ARHGAP21: variants seen among roughly 807,000 people sequenced by gnomAD.
ARHGAP21 encodes the protein Rho GTPase activating protein 21, also known as rho GTPase-activating protein 21.
ARHGAP21 carries 38 observed loss-of-function variants against 164.6 expected under a neutral mutation model. That is an observed-to-expected ratio of 0.23 (90% CI 0.18 to 0.30). The LOEUF (loss-of-function observed/expected upper bound fraction) is 0.30. Ranked by LOEUF, ARHGAP21 falls within the 10% of genes least tolerant of loss-of-function variation. The probability of loss-of-function intolerance (pLI) is 1.00; values close to 1 mark genes in which losing one functional copy is unlikely to be tolerated. For synonymous variants in ARHGAP21, 766 were observed against 857.9 expected, an observed-to-expected ratio of 0.89 and a Z score of 1.87; for missense variants, 1,822 against 2,370.7, an observed-to-expected ratio of 0.77 and a Z score of 4.81.
At chr10:24,602,164 A>G (rs560676730) in intron 12 of ARHGAP21, 61 bp from the exon 13 acceptor site, 2 of 1,541,756 alleles carry the variant, frequency 1.3e-6, no homozygotes, top group Admixed American at 2.1e-5. Context: ...ATATTTGCAC[A>G]TGGAAACTGC....
chr10:24,621,443 T>C, intron 8 of ARHGAP21, 74 bp from the exon 9 acceptor site: 6 of 1,310,028 alleles, frequency 4.6e-6, no homozygotes, highest in Non-Finnish European at 5.2e-6. Flanking sequence ...TACAGTGCAC[T>C]ATTTTATCTA....
rs141495218 is a variant in ARHGAP21, at chr10:24,667,484, G to A, written c.244-475C>T. Among the ~76,000 whole-genome samples, 237 of 152,276 alleles carry A rather than the reference G, an allele frequency of 1.6e-3. 5 individuals are homozygous for A. In the East Asian group the frequency reaches 0.038, roughly 24 times the overall value. The stretch of plus-strand genomic sequence containing the variant: ...TATATAAATGGATTGGTCCCAAATT[G>A]CTACATATTTAAGTTCTTGTATTCA... On this transcript the variant is annotated intron_variant, in intron 3 of 25. Transcript: ENST00000396432.
chr10:24,628,594 C>T (rs1307743036), intron 7 of ARHGAP21, among the ~76,000 whole-genome samples: 1 of 151,840 alleles, frequency 6.6e-6, no homozygotes, highest in Non-Finnish European at 1.5e-5. Flanking sequence ...AGAAAAAAAC[C>T]CAATTGTTTA....
chr10:24,620,558 C>G lies in ARHGAP21; in HGVS notation c.1337G>C (p.Arg446Pro). 4.3e-6 allele frequency: 7 copies of G among 1,613,972 alleles called. No individual in the cohort carries two copies. The highest frequency in any genetic ancestry group is 5.9e-6 in the Non-Finnish European group (7 of 1,179,970). The change falls in exon 9 of 26, where the codon CGA (arginine) becomes CCA (proline). Residue 446 changes from arginine to proline, a missense_variant. Transcript: ENST00000396432. Reference sequence around the variant, plus strand: ...CCGTATCTGGACAGACTGGGGCACTCGATCATGAGAGGTGCTTCGACGTCG... The same window carrying G: ...CCGTATCTGGACAGACTGGGGCACTGGATCATGAGAGGTGCTTCGACGTCG... Reference protein sequence around the residue: ...QGRRRSTSHDRVPQSVQIRQR... With the variant: ...QGRRRSTSHDPVPQSVQIRQR...
At chr10:24,663,641 G>A (rs1387536503) in intron 4 of ARHGAP21, among the ~76,000 whole-genome samples, 2 of 152,162 alleles carry the variant, frequency 1.3e-5, no homozygotes, top group Non-Finnish European at 2.9e-5. Context: ...CGATTCTCCT[G>A]CTTCAGCCTC....
Position 24,658,647 on chromosome 10 carries a change from G to T in ARHGAP21, c.268+8338C>A, listed in dbSNP as rs368148698. ...GAACAATGAGAACACCTGTACACAG[G>T]GTGGGAAACTTCACACACTGGGGCC... is the stretch of plus-strand genomic sequence containing the variant. On this transcript the variant is annotated intron_variant, in intron 4 of 25. Transcript: ENST00000396432. Among the ~76,000 whole-genome samples, 13 of 152,178 alleles carry T rather than the reference G, an allele frequency of 8.5e-5. No homozygotes were observed. The East Asian group carries it at 1.9e-3, about 23-fold the overall frequency.
At chr10:24,680,709 C>T (rs1186858047) in intron 2 of ARHGAP21, among the ~76,000 whole-genome samples, 1 of 152,126 alleles carries the variant, frequency 6.6e-6, no homozygotes, top group Non-Finnish European at 1.5e-5. Flanking sequence ...CATATGTGCC[C>T]TCTTCACTCC....
In ARHGAP21 at chr10:24,585,529, T is replaced by C; in HGVS notation, c.4760A>G (p.Tyr1587Cys). ...LANVSTITSDYSTTSSATYLT... is the reference protein window; with the variant it reads ...LANVSTITSDCSTTSSATYLT... ...GTATGTAGCAGACGATGTGGTGGAATAATCTGAGGTGATGGTGCTGACGTT... is the reference window on the plus strand; with the variant it reads ...GTATGTAGCAGACGATGTGGTGGAACAATCTGAGGTGATGGTGCTGACGTT... Residue 1587 changes from tyrosine to cysteine, a missense_variant, in exon 26 of 26, where the codon TAT (tyrosine) becomes TGT (cysteine). Coordinates refer to ENST00000396432, the MANE Select transcript of ARHGAP21 (RefSeq NM_020824.4). 1 of 1,614,186 alleles carries C rather than the reference T, an allele frequency of 6.2e-7. No individual in the cohort carries two copies. The highest frequency in any genetic ancestry group is 8.5e-7 in the Non-Finnish European group (1 of 1,180,030).
chr10:24,598,722 T>G lies in ARHGAP21; in HGVS notation c.3133-713A>C, dbSNP rs141061505. 1.5e-4 allele frequency among the ~76,000 whole-genome samples: 23 copies of G among 152,316 alleles called. No homozygotes were observed. In the Middle Eastern group the frequency reaches 0.01, roughly 68 times the overall value. On this transcript the variant is annotated intron_variant, in intron 14 of 25. Coordinates refer to ENST00000396432, the MANE Select transcript of ARHGAP21 (RefSeq NM_020824.4). ...TCATTTTGATGATAGTGAATGATGA[T>G]ACAGTTTACAAAGAATACAGTCTTT... is the stretch of plus-strand genomic sequence containing the variant.
chr10:24,599,092 T>C (rs537272872), intron 14 of ARHGAP21, among the ~76,000 whole-genome samples: 92 of 152,378 alleles, frequency 6.0e-4, no homozygotes, highest in African/African-American at 2.2e-3. Context: ...TAAGATTAGA[T>C]GGTGATGCTA....
chr10:24,664,099 C>A (rs2131703548), intron 4 of ARHGAP21, among the ~76,000 whole-genome samples: 1 of 152,326 alleles, frequency 6.6e-6, no homozygotes, highest in African/African-American at 2.4e-5. Flanking sequence ...TTGAAAATAT[C>A]ATCTACTATA....
chr10:24,687,109 A>C (rs1021926853), intron 2 of ARHGAP21, among the ~76,000 whole-genome samples: 1 of 76,782 alleles, frequency 1.3e-5, no homozygotes, highest in African/African-American at 7.1e-5. Context: ...CAAGCTACTC[A>C]GGAGGCTGAG....
At chr10:24,625,467 G>A (rs995376331) in intron 7 of ARHGAP21, among the ~76,000 whole-genome samples, 3 of 152,150 alleles carry the variant, frequency 2.0e-5, no homozygotes, top group African/African-American at 7.2e-5. Flanking sequence ...CCAGCATAGG[G>A]AATGGGAGAA....
At chr10:24,676,537 C>A (rs778364053) in intron 2 of ARHGAP21, among the ~76,000 whole-genome samples, 1 of 152,162 alleles carries the variant, frequency 6.6e-6, no homozygotes, top group Non-Finnish European at 1.5e-5. Flanking sequence ...ACTCCAAAAG[C>A]GGGGAGGGTG....
At chr10:24,713,012 G>T (rs1172719891) in intron 2 of ARHGAP21, among the ~76,000 whole-genome samples, 2 of 151,586 alleles carry the variant, frequency 1.3e-5, no homozygotes, top group Non-Finnish European at 2.9e-5. Flanking sequence ...GAATTCCCAA[G>T]ATCACACTAG....
intron 4 of ARHGAP21, among the ~76,000 whole-genome samples, chr10:24,643,753 A>G (rs1371941869): frequency 1.3e-5 from 2 of 152,218 alleles, no homozygotes; most frequent in African/African-American, 4.8e-5. Flanking sequence ...ATAAAACTGC[A>G]GGACAAGCAT....
chr10:24,596,161 A>T, intron 17 of ARHGAP21, 118 bp from the exon 18 acceptor site: 1 of 836,480 alleles, frequency 1.2e-6, no homozygotes, highest in Non-Finnish European at 1.8e-6. Flanking sequence ...TATGTAATAT[A>T]AAGAATACAG....
At chr10:24,587,146 G>C (rs1489169348) in intron 25 of ARHGAP21, among the ~76,000 whole-genome samples, 2 of 152,010 alleles carry the variant, frequency 1.3e-5, no homozygotes, top group Non-Finnish European at 2.9e-5. Flanking sequence ...TGTATAATAG[G>C]TTCTTTTAAA....
chr10:24,649,994 T>C (rs1837994555), intron 4 of ARHGAP21, among the ~76,000 whole-genome samples: 1 of 151,910 alleles, frequency 6.6e-6, no homozygotes, highest in African/African-American at 2.4e-5. Context: ...ACTGAACATA[T>C]ATTGGAAGAA....
Sources: gnomAD v4.1 joint callset for allele counts (sites outside exome capture counted in the v4.1 genomes callset) on GRCh38, gnomAD v4.1.1 for gene constraint, MANE v1.5 for transcripts, NCBI Gene and HGNC (gene_info 2026-07-23, HGNC 2026-07-21) for gene names.